The following PLCH1 variants were observed in gnomAD, a reference collection of about 807,000 sequenced individuals.
PLCH1 encodes the protein phospholipase C eta 1, also known as 1-phosphatidylinositol 4,5-bisphosphate phosphodiesterase eta-1.
In PLCH1, 60 loss-of-function variants were observed where a neutral mutation model predicts 126.7. The ratio of observed to expected loss-of-function variants is 0.47; its 90% CI spans 0.38 to 0.59. The LOEUF (loss-of-function observed/expected upper bound fraction) is 0.59, where lower values mean the gene tolerates loss of function less well. Among genes scored for constraint, PLCH1 ranks in the 20% least tolerant of loss-of-function variants. The pLI is 0.00. For synonymous variants in PLCH1, 719 were observed against 734.9 expected (o/e 0.98, Z 0.35); for missense variants, 1,723 against 2,040.0 (o/e 0.84, Z 2.99).
At chr3:155,626,037 C>A (rs1411987864) in intron 2 of PLCH1, among the ~76,000 whole-genome samples, 1 of 152,130 alleles carries the variant, frequency 6.6e-6, no homozygotes, top group East Asian at 1.9e-4. Context: ...GCATGGAATA[C>A]TATGCAGCCA....
chr3:155,611,257 T>C (rs1476173873), intron 2 of PLCH1, among the ~76,000 whole-genome samples: 1 of 151,944 alleles, frequency 6.6e-6, no homozygotes, highest in Non-Finnish European at 1.5e-5. Flanking sequence ...GGCATCGTGG[T>C]GGAGTCCTGT....
downstream of PLCH1, among the ~76,000 whole-genome samples, chr3:155,479,175 A>G (rs949596118): frequency 2.0e-5 from 3 of 152,204 alleles, no homozygotes; most frequent in African/African-American, 7.2e-5. Flanking sequence ...GCTAAATTCT[A>G]TTCTTTGGCA....
chr3:155,652,614 C>T (rs1276259758), intron 2 of PLCH1, among the ~76,000 whole-genome samples: 1 of 152,176 alleles, frequency 6.6e-6, no homozygotes, highest in Admixed American at 6.5e-5. Flanking sequence ...TTATAGAATG[C>T]TTATTACATG....
downstream of PLCH1, among the ~76,000 whole-genome samples, chr3:155,475,938 G>A (rs755593038): frequency 1.1e-4 from 16 of 152,018 alleles, no homozygotes; most frequent in Non-Finnish European, 2.2e-4. Flanking sequence ...AATAGAGGAA[G>A]AAGGAACACT....
intron 8 of PLCH1, among the ~76,000 whole-genome samples, chr3:155,560,266 C>T (rs898923708): frequency 3.3e-5 from 5 of 152,136 alleles, no homozygotes; most frequent in African/African-American, 4.8e-5. Context: ...TCCAATGAGG[C>T]TGTGTGCTCA....
chr3:155,529,918 C>G (rs549168959), intron 10 of PLCH1, among the ~76,000 whole-genome samples: 1 of 152,242 alleles, frequency 6.6e-6, no homozygotes, highest in Non-Finnish European at 1.5e-5. Context: ...AGGCATGCAC[C>G]ACCATGCCCA....
At chr3:155,607,389 A>T (rs1734498300) in intron 2 of PLCH1, among the ~76,000 whole-genome samples, 1 of 152,200 alleles carries the variant, frequency 6.6e-6, no homozygotes, top group Non-Finnish European at 1.5e-5. Context: ...AAATAAAAAA[A>T]CATGAATGCA....
At chr3:155,496,061 C>T (rs959626797) in intron 15 of PLCH1, among the ~76,000 whole-genome samples, 3 of 152,100 alleles carry the variant, frequency 2.0e-5, no homozygotes, top group Admixed American at 1.3e-4. Context: ...ATTGATACGA[C>T]CTTGCTAATT....
intron 2 of PLCH1, among the ~76,000 whole-genome samples, chr3:155,631,585 A>C (rs1426720171): frequency 1.3e-5 from 2 of 152,206 alleles, no homozygotes; most frequent in Non-Finnish European, 2.9e-5. Context: ...TCTGCATGCT[A>C]TTTTGAATTT....
At chr3:155,536,233 A>T (rs73874840) in intron 10 of PLCH1, among the ~76,000 whole-genome samples, 2,055 of 152,324 alleles carry the variant, frequency 0.013, 49 homozygotes, top group African/African-American at 0.047. Flanking sequence ...AAGGAACCAG[A>T]AAAACAATTC....
intron 10 of PLCH1, among the ~76,000 whole-genome samples, chr3:155,547,691 CAT>C (rs1159173212): frequency 6.6e-6 from 1 of 151,918 alleles, no homozygotes; most frequent in Non-Finnish European, 1.5e-5. Flanking sequence ...ACATATACAA[CAT>C]AGAATACTAT....
In PLCH1 at chr3:155,492,810, G is replaced by A; in HGVS notation, c.2226C>T (p.Pro742=). The A allele has an allele frequency of 6.2e-7, 1 of 1,604,716 alleles. No individual in the cohort carries two copies. ...PFSGDPLPAN[P]KKQLILKVIS... Reference sequence around the variant, plus strand: ...TAACTTTCAGGATGAGCTGCTTTTTGGGGTTGGCAGGAAGAGGGTCACCAG... The same window carrying A: ...TAACTTTCAGGATGAGCTGCTTTTTAGGGTTGGCAGGAAGAGGGTCACCAG... Residue 742 remains proline (P), a synonymous_variant, in exon 18 of 23, where the codon CCC becomes CCT. Transcript: ENST00000460012.
intron 17 of PLCH1, 92 bp from the exon 18 acceptor site, chr3:155,492,945 A>C: frequency 1.9e-6 from 2 of 1,068,362 alleles, no homozygotes; most frequent in Non-Finnish European, 2.6e-6. Flanking sequence ...AACAAACAAA[A>C]ACAAATGCTG....
intron 8 of PLCH1, among the ~76,000 whole-genome samples, chr3:155,562,525 C>G (rs1218374314): frequency 6.6e-6 from 1 of 152,086 alleles, no homozygotes; most frequent in Non-Finnish European, 1.5e-5. Context: ...CATAATCTGT[C>G]TTCACTACTT....
chr3:155,537,525 ATAAACT>A (rs1489845087), intron 10 of PLCH1, among the ~76,000 whole-genome samples: 1 of 152,178 alleles, frequency 6.6e-6, no homozygotes, highest in East Asian at 1.9e-4. Context: ...ATAAGGACTC[ATAAACT>A]TAAAGTAAAG....
Position 155,594,082 on chromosome 3 carries a change from T to G in PLCH1, c.329A>C (p.Tyr110Ser). 6.2e-7 allele frequency: 1 copy of G among 1,614,008 alleles called. No individual in the cohort carries two copies. Among genetic ancestry groups the G allele is most frequent in the Non-Finnish European group, 8.5e-7 (1 of 1,180,014 alleles). Residue 110 changes from tyrosine to serine, a missense_variant, in exon 4 of 23, where the codon TAC (tyrosine) becomes TCC (serine). By Grantham distance (144) the Tyr-to-Ser change is moderately radical. This residue lies in a region of PLCH1 where 776 missense variants were observed against 1,062.9 expected (regional missense o/e 0.73). Coordinates refer to ENST00000460012, the MANE Select transcript of PLCH1 (RefSeq NM_014996.4). ...CAGGGACTCCATGTGGTTGCCATGG[T>G]AGATGGTGAAGCAGCAGCTGGGGTC... ...NFDPSCCFTIYHGNHMESLDL... is the reference protein window; with the variant it reads ...NFDPSCCFTISHGNHMESLDL...
chr3:155,564,629 AT>A (rs1463900625), intron 8 of PLCH1, among the ~76,000 whole-genome samples: 1 of 152,112 alleles, frequency 6.6e-6, no homozygotes, highest in Non-Finnish European at 1.5e-5. Flanking sequence ...TATTTTTGCA[AT>A]TGTATAATTA....
At chr3:155,600,573 A>C (rs1446376047) in intron 2 of PLCH1, among the ~76,000 whole-genome samples, 1 of 150,124 alleles carries the variant, frequency 6.7e-6, no homozygotes, top group Admixed American at 6.7e-5. Flanking sequence ...TTAATTCTAC[A>C]TTCTCCTTTA....
intron 2 of PLCH1, among the ~76,000 whole-genome samples, chr3:155,609,581 A>T (rs1734787061): frequency 6.6e-6 from 1 of 152,214 alleles, no homozygotes; most frequent in Non-Finnish European, 1.5e-5. Flanking sequence ...TTCATAAGGT[A>T]GGTCTATTAT....
Sources: gnomAD v4.1 joint callset for allele counts (sites outside exome capture counted in the v4.1 genomes callset) on GRCh38, gnomAD v4.1.1 for gene constraint, gnomAD v4.1.1 regional missense constraint, MANE v1.5 for transcripts, NCBI Gene and HGNC (gene_info 2026-07-23, HGNC 2026-07-21) for gene names.